The following CTDSP1 variants were observed in gnomAD, a reference collection of about 807,000 sequenced individuals.
The protein encoded by CTDSP1 is carboxy-terminal domain RNA polymerase II polypeptide A small phosphatase 1.
CTDSP1 carries 15 observed loss-of-function variants against 32.5 expected under a neutral mutation model. That is an observed-to-expected ratio of 0.46 (90% CI 0.31 to 0.71). The LOEUF (loss-of-function observed/expected upper bound fraction) is 0.71, where lower values mean the gene tolerates loss of function less well. Ranked by LOEUF, CTDSP1 falls within the 30% of genes least tolerant of loss-of-function variation. The pLI is 0.05. For synonymous variants in CTDSP1, 185 were observed against 145.4 expected, an observed-to-expected ratio of 1.27 and a Z score of -1.96; for missense variants, 294 against 351.1, an observed-to-expected ratio of 0.84 and a Z score of 1.30.
Position 218,405,504 on chromosome 2 carries a change from T to G in CTDSP1, c.*1079T>G, listed in dbSNP as rs1340906766. 2 of 152,888 alleles carry G rather than the reference T, an allele frequency of 1.3e-5. No individual in the cohort carries two copies. Among genetic ancestry groups the G allele is most frequent in the Non-Finnish European group, 2.9e-5 (2 of 68,264 alleles). The allele number at this position is 152,888 out of a possible 1,614,324, so 9.5% of individuals were successfully genotyped here. ...CAGCTCATCAGTGCCTCCTTGCCCATCCTTCACCGGTGCCTTTGGGGGATC... is the reference window on the plus strand; with the variant it reads ...CAGCTCATCAGTGCCTCCTTGCCCAGCCTTCACCGGTGCCTTTGGGGGATC... On this transcript the variant is annotated 3_prime_UTR_variant, in exon 7 of 7. Transcript: ENST00000273062.
upstream of CTDSP1, chr2:218,399,627 TG>T: frequency 2.8e-6 from 2 of 722,652 alleles, no homozygotes; most frequent in Non-Finnish European, 3.4e-6. Context: ...CTCGGCGGCC[TG>T]GAACGGTGAG....
chr2:218,400,272 C>T, intron 1 of CTDSP1, 115 bp downstream of exon 1: 2 of 904,294 alleles, frequency 2.2e-6, no homozygotes, highest in East Asian at 2.8e-5. Flanking sequence ...CTTAGCTGTG[C>T]CCGAAGCTCC....
chr2:218,399,779 G>C (rs1425755666), upstream of CTDSP1: 3 of 1,072,672 alleles, frequency 2.8e-6, no homozygotes, highest in Non-Finnish European at 3.4e-6. Context: ...GGTCCCAGAA[G>C]TGGCGAAAGC....
chr2:218,400,560 G>T (rs898297826), intron 1 of CTDSP1: 6 of 349,682 alleles, frequency 1.7e-5, no homozygotes, highest in African/African-American at 8.9e-5. Context: ...CCACCCCCCC[G>T]GGCTGCGGTC....
At chr2:218,397,918 G>C (rs1256681483), upstream of CTDSP1, among the ~76,000 whole-genome samples, 1 of 152,216 alleles carries the variant, frequency 6.6e-6, no homozygotes, top group Non-Finnish European at 1.5e-5. Context: ...GAACTGCACG[G>C]GCAACGGCTT....
At position 218,403,255 on chromosome 2, in the gene CTDSP1, G is replaced by T. The variant is rs1697248921; in HGVS notation, c.495G>T (p.Leu165=). The change falls in exon 6 of 7, where the codon CTG becomes CTT. Residue 165 remains leucine (L), a synonymous_variant. Coordinates refer to ENST00000273062, the MANE Select transcript of CTDSP1 (RefSeq NM_021198.3). ...LAKYADPVAD[L]LDKWGAFRAR... ...AGTACGCAGACCCAGTAGCTGACCT[G>T]CTGGACAAATGGGGGGCCTTCCGGG... The T allele has an allele frequency of 2.5e-6, 4 of 1,613,406 alleles. No individual in the cohort carries two copies. The highest frequency in any genetic ancestry group is 3.4e-6 in the Non-Finnish European group (4 of 1,179,524).
chr2:218,404,540 A>G lies in CTDSP1; in HGVS notation c.*115A>G, dbSNP rs1369544492. The G allele has an allele frequency of 1.5e-6, 2 of 1,371,824 alleles. No homozygotes were observed. Among genetic ancestry groups the G allele is most frequent in the South Asian group, 2.7e-5 (2 of 74,744 alleles). The allele number at this position is 1,371,824 out of a possible 1,614,324, so 85.0% of individuals were successfully genotyped here. ...ATGGGCCGCCGCCACACTCAGTGCC[A>G]TGGGGAAGCGGGCGTCTCCCCCACC... On this transcript the variant is annotated 3_prime_UTR_variant, in exon 7 of 7. Transcript: ENST00000273062.
rs1025167019 is a variant in CTDSP1 at position 218,405,802 on chromosome 2, CGTT to C, written c.*1380_*1382del. The C allele has an allele frequency of 3.9e-5, 6 of 152,954 alleles. No homozygotes were observed. The highest frequency in any genetic ancestry group is 1.9e-4 in the East Asian group (1 of 5,340). The allele number at this position is 152,954 out of a possible 1,614,324, so 9.5% of individuals were successfully genotyped here. ...CAAGGGGGATGTCAAGTGGTGATGT[CGTT>C]GTGCTCCCCTCCCCCAGAGCGGGTG... On this transcript the variant is annotated 3_prime_UTR_variant, in exon 7 of 7. Coordinates refer to ENST00000273062, the MANE Select transcript of CTDSP1 (RefSeq NM_021198.3).
intron 6 of CTDSP1, chr2:218,403,670 A>T: frequency 2.4e-6 from 1 of 413,692 alleles, no homozygotes; most frequent in Admixed American, 4.0e-5. Context: ...GAGTTTGGAA[A>T]GTTTCAATTT....
rs1012429643 is a variant in CTDSP1 at position 218,400,118 on chromosome 2, A to C, written c.28A>C (p.Ile10Leu). Residue 10 changes from isoleucine (I) to leucine (L), a missense_variant, in exon 1 of 7, where the codon ATC becomes CTC. Physicochemically the swap from Ile to Leu is conservative, Grantham distance 5. Coordinates refer to ENST00000273062, the MANE Select transcript of CTDSP1 (RefSeq NM_021198.3). ...GGACAGCTCGGCCGTCATTACTCAG[A>C]TCAGCAAGGAGGAGGCTCGGGGCCC... MDSSAVITQ[I>L]SKEEARGPLR... 35 of 1,544,760 alleles carry C rather than the reference A, an allele frequency of 2.3e-5. No homozygotes were observed. The highest frequency in any genetic ancestry group is 3.0e-5 in the Non-Finnish European group (34 of 1,145,020).
chr2:218,400,774 C>T (rs1273403855), intron 1 of CTDSP1: 3 of 454,344 alleles, frequency 6.6e-6, no homozygotes, highest in East Asian at 7.0e-5. Flanking sequence ...AGTGGGCACG[C>T]ACCACCCCGC....
chr2:218,402,179 C>A lies in CTDSP1; in HGVS notation c.285C>A (p.Ile95=). The A allele has an allele frequency of 6.2e-7, 1 of 1,613,724 alleles. No individual in the cohort carries two copies. Among genetic ancestry groups the A allele is most frequent in the Non-Finnish European group, 8.5e-7 (1 of 1,179,940 alleles). ...ACTCAGACAAGATCTGCGTGGTCAT[C>A]GACCTGGACGAGACCCTGGTGCACA... is the stretch of plus-strand genomic sequence containing the variant. ...AQDSDKICVV[I]DLDETLVHSS... is the part of the protein sequence containing the mutation. The change falls in exon 3 of 7, where the codon ATC becomes ATA. Residue 95 remains isoleucine, a synonymous_variant. Coordinates refer to ENST00000273062, the MANE Select transcript of CTDSP1 (RefSeq NM_021198.3).
At chr2:218,397,184 A>ACCTC (rs1432593412), upstream of CTDSP1, among the ~76,000 whole-genome samples, 4 of 152,134 alleles carry the variant, frequency 2.6e-5, no homozygotes, top group Non-Finnish European at 5.9e-5. Context: ...TCAAGAAGAC[A>ACCTC]CGGAGACCCG....
At chr2:218,403,199 C>CG (rs1559137898) in intron 5 of CTDSP1, 33 bp from the exon 6 acceptor site, 4 of 1,611,096 alleles carry the variant, frequency 2.5e-6, no homozygotes, top group Admixed American at 1.7e-5. Flanking sequence ...AATGAACCTG[C>CG]GGGCCCCAGG....
chr2:218,404,759 T>G lies in CTDSP1; in HGVS notation c.*334T>G. The stretch of plus-strand genomic sequence containing the variant: ...AATTGGGCCCCTTGGCCCCTTCCGG[T>G]TCTGCTTCCTGGGGGCAGGGTTCCT... On this transcript the variant is annotated 3_prime_UTR_variant, in exon 7 of 7. Transcript: ENST00000273062. 1 of 231,832 alleles carries G rather than the reference T, an allele frequency of 4.3e-6. No individual in the cohort carries two copies. The highest frequency in any genetic ancestry group is 8.5e-6 in the Non-Finnish European group (1 of 117,620). 14.4% of individuals were successfully genotyped at this position (231,832 alleles called of 1,614,324 possible). A position where few individuals can be genotyped will look rare whatever the true frequency, so the allele number is the denominator to read the frequency against.
chr2:218,403,138 C>G lies in CTDSP1; in HGVS notation c.471+11C>G. The G allele has an allele frequency of 6.2e-7, 1 of 1,614,022 alleles. No homozygotes were observed. The highest frequency in any genetic ancestry group is 8.5e-7 in the Non-Finnish European group (1 of 1,179,940). The stretch of plus-strand genomic sequence containing the variant: ...GCTAGCCTCGCCAAGGTGAGCCCCA[C>G]AGGGGTCCCGGGGCAACCCTGCCCT... On this transcript the variant is annotated intron_variant, in intron 5 of 6. Transcript: ENST00000273062.
rs1221996926 is a variant in CTDSP1 at position 218,401,708 on chromosome 2, C to T, written c.212C>T (p.Pro71Leu). The change falls in exon 2 of 7, where the codon CCT becomes CTT. Residue 71 changes from proline to leucine, a missense_variant. Transcript: ENST00000273062. ...CTTGTGGAGGAGAATGGCGCCATCC[C>T]TAAGGTGCGTGGGGGCCAGGTGGGG... ...PLLVEENGAI[P>L]KQTPVQYLLP... 6.4e-7 allele frequency: 1 copy of T among 1,574,018 alleles called. No individual in the cohort carries two copies. Among genetic ancestry groups the T allele is most frequent in the East Asian group, 2.3e-5 (1 of 44,440 alleles).
upstream of CTDSP1, chr2:218,398,176 C>A: frequency 1.8e-6 from 1 of 542,204 alleles, no homozygotes; most frequent in Non-Finnish European, 3.3e-6. Context: ...GCCGAGGCCC[C>A]ACCCAGGGGG....
rs549520021 is a variant in CTDSP1, at chr2:218,405,232, TAG to T, written c.*811_*812del. The T allele has an allele frequency of 1.3e-3, 200 of 152,626 alleles. No individual in the cohort carries two copies. Among genetic ancestry groups the T allele is most frequent in the Non-Finnish European group, 2.5e-3 (168 of 67,968 alleles). The allele number at this position is 152,626 out of a possible 1,614,324, so 9.5% of individuals were successfully genotyped here. ...GGAAGGAGAGAGGGAAGGGTCAGGG[TAG>T]AGACACCCCTCCCTTGCCCCTTTCC... On this transcript the variant is annotated 3_prime_UTR_variant, in exon 7 of 7. Transcript: ENST00000273062.
Sources: gnomAD v4.1 joint callset for allele counts (sites outside exome capture counted in the v4.1 genomes callset) on GRCh38, gnomAD v4.1.1 for gene constraint, MANE v1.5 for transcripts, NCBI Gene and HGNC (gene_info 2026-07-23, HGNC 2026-07-21) for gene names.